The following SNX4 variants were observed in gnomAD, a reference collection of about 807,000 sequenced individuals.
SNX4 encodes sorting nexin-4.
Under a neutral mutation model 70.8 loss-of-function variants are expected in SNX4, and 49 were observed. The observed-to-expected ratio is 0.69, with a 90% CI of 0.55 to 0.88. The LOEUF is 0.88. SNX4 is among the 40% of genes least tolerant of loss of function. The probability of loss-of-function intolerance (pLI) is 0.00; values close to 1 mark genes in which losing one functional copy is unlikely to be tolerated. For missense variants in SNX4, 528 were observed against 544.8 expected, an observed-to-expected ratio of 0.97 and a Z score of 0.31; for synonymous variants, 206 against 183.8, an observed-to-expected ratio of 1.12 and a Z score of -0.98.
chr3:125,485,044 C>T (rs114491872), intron 6 of SNX4, among the ~76,000 whole-genome samples: 374 of 151,450 alleles, frequency 2.5e-3, no homozygotes, highest in African/African-American at 8.5e-3. Flanking sequence ...TCCAGCTTGG[C>T]GAGAGTGAGA....
At chr3:125,476,817 T>A (rs561864287) in intron 7 of SNX4, 61 bp from the exon 8 acceptor site, 1 of 1,015,340 alleles carries the variant, frequency 9.8e-7, no homozygotes, top group Middle Eastern at 2.2e-4. Flanking sequence ...ATCTAAAAAA[T>A]AGACCCAAAA....
chr3:125,499,502 A>G (rs1934878624), intron 2 of SNX4, among the ~76,000 whole-genome samples: 1 of 152,220 alleles, frequency 6.6e-6, no homozygotes, highest in Non-Finnish European at 1.5e-5. Flanking sequence ...ATGAAATGCA[A>G]AATTCACAAA....
chr3:125,474,802 T>C (rs80041985), intron 8 of SNX4, among the ~76,000 whole-genome samples: 7,336 of 152,050 alleles, frequency 0.048, 419 homozygotes, highest in African/African-American at 0.13. Context: ...TTAACTATAA[T>C]AAATGTGCTA....
intron 1 of SNX4, among the ~76,000 whole-genome samples, chr3:125,517,752 G>A (rs550750822): frequency 6.6e-6 from 1 of 152,234 alleles, no homozygotes; most frequent in East Asian, 1.9e-4. Context: ...GAGGCAGGCG[G>A]ATCGCCTGAG....
chr3:125,508,944 A>T (rs755264379), intron 1 of SNX4, among the ~76,000 whole-genome samples: 1 of 152,192 alleles, frequency 6.6e-6, no homozygotes. Flanking sequence ...GGATTTAACC[A>T]TGGTTTCTTG....
At chr3:125,512,779 T>C (rs1007145755) in intron 1 of SNX4, among the ~76,000 whole-genome samples, 1 of 151,984 alleles carries the variant, frequency 6.6e-6, no homozygotes, top group African/African-American at 2.4e-5. Context: ...CAACTTTTTT[T>C]TTTTTTTTTG....
intron 8 of SNX4, among the ~76,000 whole-genome samples, chr3:125,473,412 TTC>T (rs1934222441): frequency 6.6e-6 from 1 of 152,012 alleles, no homozygotes; most frequent in South Asian, 2.1e-4. Context: ...CTAAACTCAA[TTC>T]TCTTTTTTGT....
chr3:125,507,608 T>G (rs1337443431), intron 1 of SNX4, among the ~76,000 whole-genome samples: 4 of 152,214 alleles, frequency 2.6e-5, no homozygotes, highest in Non-Finnish European at 5.9e-5. Context: ...AGACAGAATC[T>G]TGACAGCAGC....
chr3:125,490,726 G>T (rs921185139), intron 5 of SNX4, among the ~76,000 whole-genome samples: 1 of 151,190 alleles, frequency 6.6e-6, no homozygotes, highest in Non-Finnish European at 1.5e-5. Context: ...TAATTTCACT[G>T]CATAAAATGT....
At chr3:125,507,587 T>G (rs1314834179) in intron 1 of SNX4, among the ~76,000 whole-genome samples, 1 of 152,220 alleles carries the variant, frequency 6.6e-6, no homozygotes, top group African/African-American at 2.4e-5. Context: ...AGACACTTTA[T>G]AACTTTTCAA....
At chr3:125,460,398 C>T (rs538823514) in intron 10 of SNX4, among the ~76,000 whole-genome samples, 38 of 152,234 alleles carry the variant, frequency 2.5e-4, no homozygotes, top group African/African-American at 5.8e-4. Flanking sequence ...TACATAAGGA[C>T]GTTGTACAAG....
chr3:125,478,226 T>C (rs763358391), intron 7 of SNX4, among the ~76,000 whole-genome samples: 1 of 151,802 alleles, frequency 6.6e-6, no homozygotes, highest in Non-Finnish European at 1.5e-5. Context: ...ATTACAGGCA[T>C]GCACCACCAC....
At chr3:125,517,836 C>T (rs1204688497) in intron 1 of SNX4, among the ~76,000 whole-genome samples, 2 of 151,904 alleles carry the variant, frequency 1.3e-5, no homozygotes, top group Admixed American at 1.3e-4. Flanking sequence ...ATTAGCTGGG[C>T]ATGGTGGCAC....
At chr3:125,501,977 A>G (rs902346995) in intron 2 of SNX4, among the ~76,000 whole-genome samples, 3 of 152,232 alleles carry the variant, frequency 2.0e-5, no homozygotes, top group African/African-American at 7.2e-5. Context: ...AAAGTCAAGT[A>G]CAAACATTAT....
intron 6 of SNX4, among the ~76,000 whole-genome samples, chr3:125,481,269 T>C (rs1254646050): frequency 1.3e-5 from 2 of 152,154 alleles, no homozygotes; most frequent in African/African-American, 4.8e-5. Context: ...ACTTGATCCT[T>C]TTGGCAATGC....
intron 1 of SNX4, among the ~76,000 whole-genome samples, chr3:125,510,142 A>G (rs1935139316): frequency 6.6e-6 from 1 of 152,240 alleles, no homozygotes; most frequent in African/African-American, 2.4e-5. Context: ...AGGGTCTCAA[A>G]GAGATATTTG....
At chr3:125,471,565 G>C (rs1324912876) in intron 8 of SNX4, among the ~76,000 whole-genome samples, 3 of 152,140 alleles carry the variant, frequency 2.0e-5, no homozygotes, top group Non-Finnish European at 4.4e-5. Flanking sequence ...ATCTGGGAGA[G>C]ACGGTTACTT....
At chr3:125,519,984 C>A in intron 1 of SNX4, 48 bp downstream of exon 1, 1 of 1,393,280 alleles carries the variant, frequency 7.2e-7, no homozygotes, top group Non-Finnish European at 9.6e-7. Flanking sequence ...GCCCGGCCCG[C>A]TAGGCCACCA....
At chr3:125,479,479 C>T (rs1197348139) in intron 7 of SNX4, among the ~76,000 whole-genome samples, 5 of 152,016 alleles carry the variant, frequency 3.3e-5, no homozygotes, top group Non-Finnish European at 7.4e-5. Flanking sequence ...TGCTTGAACC[C>T]GGGAGGTGGA....
Sources: gnomAD v4.1 joint callset for allele counts (sites outside exome capture counted in the v4.1 genomes callset) on GRCh38, gnomAD v4.1.1 for gene constraint, MANE v1.5 for transcripts, NCBI Gene and HGNC (gene_info 2026-07-23, HGNC 2026-07-21) for gene names.